The following GALNT8 variants were observed in gnomAD, a reference collection of about 807,000 sequenced individuals.
GALNT8 encodes polypeptide N-acetylgalactosaminyltransferase 8.
Under a neutral mutation model 62.7 loss-of-function variants are expected in GALNT8, and 66 were observed. That is an observed-to-expected ratio of 1.05 (90% CI 0.86 to 1.29). The LOEUF (loss-of-function observed/expected upper bound fraction) is 1.29. Ranked by LOEUF, GALNT8 falls within the 50% of genes most tolerant of loss-of-function variation. The pLI, the probability that GALNT8 is intolerant of heterozygous loss-of-function variation, is 0.00. For synonymous variants in GALNT8, 288 were observed against 294.3 expected, an observed-to-expected ratio of 0.98 and a Z score of 0.22; for missense variants, 771 against 791.8, an observed-to-expected ratio of 0.97 and a Z score of 0.32.
chr12:4,763,114 C>A, intron 7 of GALNT8, 139 bp from the exon 8 acceptor site: 1 of 670,584 alleles, frequency 1.5e-6, no homozygotes, highest in Non-Finnish European at 2.6e-6. Flanking sequence ...TCAATCTTGT[C>A]TATCCATTAA....
chr12:4,748,983 G>A (rs1168721377), intron 6 of GALNT8, among the ~76,000 whole-genome samples: 1 of 152,046 alleles, frequency 6.6e-6, no homozygotes, highest in Non-Finnish European at 1.5e-5. Context: ...GATTGTAAAT[G>A]GAATTACTTT....
At chr12:4,754,760 G>C (rs1247878612) in intron 6 of GALNT8, among the ~76,000 whole-genome samples, 1 of 152,090 alleles carries the variant, frequency 6.6e-6, no homozygotes, top group Non-Finnish European at 1.5e-5. Flanking sequence ...ATGTAGTATT[G>C]GGTATTGCTG....
In GALNT8 at chr12:4,745,315, C is replaced by G. The variant is rs1300597153; in HGVS notation, c.861-114C>G. 4.2e-6 allele frequency: 3 copies of G among 709,308 alleles called. No homozygotes were observed. The South Asian group carries it at 4.8e-5, about 11-fold the overall frequency. 43.9% of individuals were successfully genotyped at this position (709,308 alleles called of 1,614,324 possible). On this transcript the variant is annotated intron_variant, in intron 4 of 10. Transcript: ENST00000252318. ...AGTTCTACTCACAACCCAGTACAGC[C>G]TAAATGGAGGAGGTACTCAATGTCA...
intron 7 of GALNT8, among the ~76,000 whole-genome samples, chr12:4,762,839 G>A (rs1321071910): frequency 6.6e-6 from 1 of 152,222 alleles, no homozygotes; most frequent in East Asian, 1.9e-4. Context: ...TGAATGATTC[G>A]CAAATGCGGC....
chr12:4,742,685 G>T (rs2137530105), intron 3 of GALNT8, among the ~76,000 whole-genome samples: 1 of 152,246 alleles, frequency 6.6e-6, no homozygotes, highest in East Asian at 1.9e-4. Context: ...GGCGTCATAG[G>T]ATTTGAGACA....
In GALNT8 at chr12:4,763,292, G is replaced by A; in HGVS notation, c.1399G>A (p.Ala467Thr). 6.2e-7 allele frequency: 1 copy of A among 1,610,944 alleles called. No homozygotes were observed. The highest frequency in any genetic ancestry group is 8.5e-7 in the Non-Finnish European group (1 of 1,177,142). ...TTTTGGAGACGTTTCTTCCAGAATG[G>A]CACTCCGGGAAAAACTGAAATGTAA... is the stretch of plus-strand genomic sequence containing the variant. ...IDFGDVSSRM[A>T]LREKLKCKTF... is the part of the protein sequence containing the mutation. The change falls in exon 8 of 11, where the codon GCA becomes ACA. Residue 467 changes from alanine (A) to threonine (T), a missense_variant. Transcript: ENST00000252318.
At chr12:4,722,791 AG>A (rs1190359872) in intron 1 of GALNT8, among the ~76,000 whole-genome samples, 1 of 152,116 alleles carries the variant, frequency 6.6e-6, no homozygotes, top group Non-Finnish European at 1.5e-5. Flanking sequence ...GTCAGGGTTC[AG>A]GGTGAGGCTG....
chr12:4,764,924 A>G (rs980699123), intron 9 of GALNT8, among the ~76,000 whole-genome samples: 3 of 150,808 alleles, frequency 2.0e-5, no homozygotes, highest in African/African-American at 7.3e-5. Flanking sequence ...CCTCATAGCA[A>G]CCTTTTGAGG....
In GALNT8 at chr12:4,756,546, G is replaced by A. The variant is rs147227034; in HGVS notation, c.1174-4412G>A. 1.4e-3 allele frequency among the ~76,000 whole-genome samples: 207 copies of A among 150,628 alleles called. 1 individual carries two copies. Among genetic ancestry groups the A allele is most frequent in the Non-Finnish European group, 2.4e-3 (165 of 67,594 alleles). On this transcript the variant is annotated intron_variant, in intron 6 of 10. Transcript: ENST00000252318. The stretch of plus-strand genomic sequence containing the variant: ...AATGCTGTCTCTGCTAAGTCACTGT[G>A]GACTAAGCTTCTATAAGATGACCTT...
chr12:4,758,240 A>G (rs1012265779), intron 6 of GALNT8, among the ~76,000 whole-genome samples: 1 of 152,038 alleles, frequency 6.6e-6, no homozygotes, highest in African/African-American at 2.4e-5. Flanking sequence ...ATTTTTCTCC[A>G]GTAGCAGATC....
chr12:4,772,420 T>C, intron 10 of GALNT8, 25 bp from the exon 11 acceptor site: 4 of 1,608,836 alleles, frequency 2.5e-6, no homozygotes, highest in Non-Finnish European at 3.4e-6. Context: ...TTCAGCACCT[T>C]GGCTCTGTCT....
intron 6 of GALNT8, among the ~76,000 whole-genome samples, chr12:4,758,350 A>G (rs1946354353): frequency 6.6e-6 from 1 of 152,056 alleles, no homozygotes; most frequent in South Asian, 2.1e-4. Flanking sequence ...ATGGGTAGGA[A>G]AGGTTAAGAA....
chr12:4,738,262 C>T (rs1946254838), intron 2 of GALNT8, among the ~76,000 whole-genome samples: 1 of 151,994 alleles, frequency 6.6e-6, no homozygotes, highest in African/African-American at 2.4e-5. Context: ...ACACCATACA[C>T]AAATATTTAC....
Position 4,754,020 on chromosome 12 carries a change from C to T in GALNT8, c.1174-6938C>T, listed in dbSNP as rs151077629. ...CAGAGACCCTTGTTCTCTTCCCTTA[C>T]GTCTCCCAAACAAATGGAGTCTATC... On this transcript the variant is annotated intron_variant, in intron 6 of 10. Transcript: ENST00000252318. 6.6e-5 allele frequency among the ~76,000 whole-genome samples: 10 copies of T among 152,334 alleles called. No individual in the cohort carries two copies. The East Asian group carries it at 1.9e-3, about 29-fold the overall frequency.
At chr12:4,748,321 C>T (rs868447163) in intron 6 of GALNT8, among the ~76,000 whole-genome samples, 1 of 152,084 alleles carries the variant, frequency 6.6e-6, no homozygotes, top group Non-Finnish European at 1.5e-5. Flanking sequence ...AGATTTTCCT[C>T]ATTTTTTTCT....
chr12:4,736,761 A>G (rs1235054821), intron 2 of GALNT8, among the ~76,000 whole-genome samples: 1 of 152,218 alleles, frequency 6.6e-6, no homozygotes, highest in African/African-American at 2.4e-5. Context: ...CAGAGTTACT[A>G]GATGCTTTGT....
chr12:4,768,473 C>T, intron 10 of GALNT8: 1 of 354,584 alleles, frequency 2.8e-6, no homozygotes, highest in Non-Finnish European at 5.7e-6. Flanking sequence ...ATTATGCATT[C>T]CAAACATTTT....
chr12:4,749,945 G>T lies in GALNT8; in HGVS notation c.1173+3687G>T, dbSNP rs868404754. Among the ~76,000 whole-genome samples the T allele has an allele frequency of 6.6e-6, 1 of 151,998 alleles. No homozygotes were observed. The highest frequency in any genetic ancestry group is 1.5e-5 in the Non-Finnish European group (1 of 67,988). Reference sequence around the variant, plus strand: ...CCATTTCTTCTAGATTTTCCAACTTGTTGGCATACAGTTGCTTATAGGAGC... The same window carrying T: ...CCATTTCTTCTAGATTTTCCAACTTTTTGGCATACAGTTGCTTATAGGAGC... On this transcript the variant is annotated intron_variant, in intron 6 of 10. Coordinates refer to ENST00000252318, the MANE Select transcript of GALNT8 (RefSeq NM_017417.2). The surrounding 1 kb of genome is among the most constrained non-coding windows in gnomAD (Gnocchi z 4.1).
intron 10 of GALNT8, among the ~76,000 whole-genome samples, chr12:4,770,306 G>GAAAAAAAAAAA (rs1251278189): frequency 4.0e-5 from 4 of 100,050 alleles, no homozygotes; most frequent in Middle Eastern, 5.8e-3. Context: ...TGTCTCAAAA[G>GAAAAAAAAAAA]AAAAAAAAAA....
Sources: allele counts gnomAD v4.1 joint callset (sites outside exome capture counted in the v4.1 genomes callset), GRCh38; gene constraint gnomAD v4.1.1; non-coding constraint Gnocchi (gnomAD v3.1); transcripts MANE v1.5; gene names NCBI Gene and HGNC (gene_info 2026-07-23, HGNC 2026-07-21).